Variants in SHTN1 observed in about 807,000 individuals in gnomAD.
The protein encoded by SHTN1 is shootin-1.
Under a neutral mutation model 83.1 loss-of-function variants are expected in SHTN1, and 42 were observed. That is an observed-to-expected ratio of 0.51 (90% CI 0.39 to 0.65). The LOEUF (loss-of-function observed/expected upper bound fraction) is 0.65. Among genes scored for constraint, SHTN1 ranks in the 30% least tolerant of loss-of-function variants. The pLI is 0.00. For missense variants in SHTN1, 622 were observed against 737.8 expected (o/e 0.84, Z 1.82); for synonymous variants, 224 against 247.7 (o/e 0.90, Z 0.90).
chr10:117,041,885 TAAAG>T (rs1852589425), intron 2 of SHTN1, among the ~76,000 whole-genome samples: 1 of 152,128 alleles, frequency 6.6e-6, no homozygotes. Flanking sequence ...TCCTTTTACT[TAAAG>T]AACCAACAGA....
intron 1 of SHTN1, among the ~76,000 whole-genome samples, chr10:117,103,530 C>CCTCTCT (rs1853628692): frequency 1.3e-5 from 1 of 77,540 alleles, no homozygotes; most frequent in African/African-American, 5.7e-5. Flanking sequence ...CCTCCCCTCT[C>CCTCTCT]TTTTTTTTTT....
chr10:116,929,954 T>C lies in SHTN1; in HGVS notation c.907A>G (p.Ile303Val). Reference protein sequence around the residue: ...QLENETLHKEIHNLKQQLELL... With the variant: ...QLENETLHKEVHNLKQQLELL... ...TCCAGTTGCTGTTTGAGGTTGTGTA[T>C]TTCTTTGTGGAGTGTTTCATTTTCT... The change falls in exon 10 of 17, where the codon ATA becomes GTA. Residue 303 changes from isoleucine (I) to valine (V), a missense_variant. Around this residue, in one of 3 missense-constraint regions of SHTN1, gnomAD observed 383 missense variants for 455.8 expected, o/e 0.84. Coordinates refer to ENST00000355371, the MANE Select transcript of SHTN1 (RefSeq NM_001127211.3). 1.2e-5 allele frequency: 19 copies of C among 1,608,768 alleles called. No individual in the cohort carries two copies. The highest frequency in any genetic ancestry group is 1.5e-5 in the Non-Finnish European group (18 of 1,176,648).
intron 3 of SHTN1, 193 bp from the exon 4 acceptor site, chr10:116,960,423 G>C (rs1850144902): frequency 2.1e-6 from 1 of 467,366 alleles, no homozygotes; most frequent in Admixed American, 3.6e-5. Flanking sequence ...AAAGAAACAA[G>C]AACACAACAA....
intron 11 of SHTN1, among the ~76,000 whole-genome samples, chr10:116,922,713 C>T (rs572107857): frequency 5.3e-5 from 8 of 152,132 alleles, no homozygotes; most frequent in African/African-American, 1.7e-4. Context: ...ACGTGTAATC[C>T]CAGCACTTTG....
At chr10:117,001,600 C>A (rs879552761) in intron 1 of SHTN1, among the ~76,000 whole-genome samples, 1 of 151,922 alleles carries the variant, frequency 6.6e-6, no homozygotes, top group African/African-American at 2.4e-5. Context: ...TAAGGCAGGG[C>A]AAAATGAAGA....
intron 1 of SHTN1, among the ~76,000 whole-genome samples, chr10:117,055,739 G>C (rs1417587127): frequency 6.6e-6 from 1 of 152,172 alleles, no homozygotes; most frequent in African/African-American, 2.4e-5. Context: ...ATCGTGGTAT[G>C]CATCAGTAGT....
At chr10:116,911,934 T>C (rs895024509) in intron 13 of SHTN1, 91 bp from the exon 14 acceptor site, 11 of 916,554 alleles carry the variant, frequency 1.2e-5, no homozygotes, top group Non-Finnish European at 1.8e-5. Flanking sequence ...TTAGTAGCCT[T>C]ATATTGGTAA....
chr10:116,927,256 AAAGGAAATCTT>A (rs1202291401), intron 11 of SHTN1, among the ~76,000 whole-genome samples: 11 of 152,354 alleles, frequency 7.2e-5, no homozygotes, highest in Admixed American at 2.6e-4. Flanking sequence ...TCTTACCATT[AAAGGAAATCTT>A]AATGTTATTG....
At chr10:117,033,405 C>CG (rs1554932380) in intron 2 of SHTN1, among the ~76,000 whole-genome samples, 1 of 151,998 alleles carries the variant, frequency 6.6e-6, no homozygotes, top group Non-Finnish European at 1.5e-5. Flanking sequence ...TGAGCAACTA[C>CG]ATGCCAGTAA....
chr10:116,964,418 T>C (rs972617957), intron 3 of SHTN1, among the ~76,000 whole-genome samples: 2 of 152,218 alleles, frequency 1.3e-5, no homozygotes, highest in African/African-American at 4.8e-5. Flanking sequence ...GACTCTACTT[T>C]TCTATAGTCC....
intron 3 of SHTN1, among the ~76,000 whole-genome samples, chr10:116,966,885 A>G (rs1340851856): frequency 6.6e-6 from 1 of 152,238 alleles, no homozygotes; most frequent in Non-Finnish European, 1.5e-5. Flanking sequence ...AAAGTACCAT[A>G]TAATTGGAAT....
intron 2 of SHTN1, among the ~76,000 whole-genome samples, chr10:117,039,991 G>C (rs955130864): frequency 6.6e-6 from 1 of 152,040 alleles, no homozygotes; most frequent in Non-Finnish European, 1.5e-5. Context: ...CTAAAAAAAA[G>C]CAGGGCCTTC....
intron 9 of SHTN1, among the ~76,000 whole-genome samples, chr10:116,938,291 T>A (rs1405967884): frequency 6.6e-6 from 1 of 152,164 alleles, no homozygotes; most frequent in Non-Finnish European, 1.5e-5. Context: ...TTTTTCCTCA[T>A]CTTTGTGGAT....
Position 116,886,343 on chromosome 10 carries a change from A to C in SHTN1, c.*1T>G. The C allele has an allele frequency of 6.4e-7, 1 of 1,552,800 alleles. No homozygotes were observed. Among genetic ancestry groups the C allele is most frequent in the Middle Eastern group, 1.7e-4 (1 of 5,996 alleles). Reference sequence around the variant, plus strand: ...AACATGTCAGGCTTCTGGTTTATGGATCAGCAGTTGGAGCTGTCTGTCTCT... The same window carrying C: ...AACATGTCAGGCTTCTGGTTTATGGCTCAGCAGTTGGAGCTGTCTGTCTCT... On this transcript the variant is annotated 3_prime_UTR_variant, in exon 17 of 17. Transcript: ENST00000355371.
At chr10:117,030,976 T>C (rs1388795383) in intron 2 of SHTN1, among the ~76,000 whole-genome samples, 1 of 152,032 alleles carries the variant, frequency 6.6e-6, no homozygotes, top group Non-Finnish European at 1.5e-5. Context: ...TTCCCAAACC[T>C]AGAGAAATAT....
intron 9 of SHTN1, among the ~76,000 whole-genome samples, chr10:116,940,115 T>C (rs1840719000): frequency 6.6e-6 from 1 of 152,222 alleles, no homozygotes. Context: ...ATACAGCCTC[T>C]TAGTGTGTGC....
chr10:116,976,296 C>T (rs747593851), intron 2 of SHTN1, among the ~76,000 whole-genome samples: 11 of 152,180 alleles, frequency 7.2e-5, no homozygotes, highest in Non-Finnish European at 1.3e-4. Flanking sequence ...CTTGTCTCAA[C>T]GCAAGAGAGT....
intron 1 of SHTN1, among the ~76,000 whole-genome samples, chr10:117,110,179 C>G (rs1853744704): frequency 6.6e-6 from 1 of 152,194 alleles, no homozygotes; most frequent in African/African-American, 2.4e-5. Context: ...AGCACTGAAG[C>G]TGTCCAAGTT....
At chr10:116,999,178 T>C (rs1461474970) in intron 1 of SHTN1, among the ~76,000 whole-genome samples, 1 of 152,176 alleles carries the variant, frequency 6.6e-6, no homozygotes, top group Non-Finnish European at 1.5e-5. Flanking sequence ...GATAGAAATG[T>C]CCATCCAGAG....
Sources: gnomAD v4.1 joint callset for allele counts (sites outside exome capture counted in the v4.1 genomes callset) on GRCh38, gnomAD v4.1.1 for gene constraint, gnomAD v4.1.1 regional missense constraint, MANE v1.5 for transcripts, NCBI Gene and HGNC (gene_info 2026-07-23, HGNC 2026-07-21) for gene names.